MROH1: variants seen among roughly 807,000 people sequenced by gnomAD.
MROH1 encodes the protein maestro heat like repeat family member 1.
Under a neutral mutation model 116.5 loss-of-function variants are expected in MROH1, and 117 were observed. That is an observed-to-expected ratio of 1.00 (90% CI 0.86 to 1.17). MROH1 has a LOEUF of 1.17. MROH1 is among the 50% of genes most tolerant of loss of function. The probability of loss-of-function intolerance (pLI) is 0.00; values close to 1 mark genes in which losing one functional copy is unlikely to be tolerated. For missense variants in MROH1, 1,873 were observed against 1,338.5 expected (o/e 1.40, Z -6.23); for synonymous variants, 921 against 583.9 (o/e 1.58, Z -8.32).
At chr8:144,234,894 T>TTC (rs1554824123) in intron 14 of MROH1, among the ~76,000 whole-genome samples, 1 of 145,182 alleles carries the variant, frequency 6.9e-6, no homozygotes, top group Non-Finnish European at 1.5e-5. Context: ...TTTCTTTCTT[T>TTC]TTTTTTTTTT....
At chr8:144,181,278 A>G (rs11136257) in intron 7 of MROH1, among the ~76,000 whole-genome samples, 5 of 95,740 alleles carry the variant, frequency 5.2e-5, no homozygotes, top group South Asian at 4.0e-4. Flanking sequence ...GGGAGGACCC[A>G]GTGATGGGGG....
intron 1 of MROH1, among the ~76,000 whole-genome samples, chr8:144,150,768 A>G (rs889528041): frequency 6.6e-5 from 10 of 152,160 alleles, no homozygotes; most frequent in Non-Finnish European, 5.9e-5. Context: ...GAGGGCTGGG[A>G]AGAGAAGAGT....
chr8:144,157,328 C>T (rs1818403685), intron 1 of MROH1, among the ~76,000 whole-genome samples: 4 of 151,974 alleles, frequency 2.6e-5, no homozygotes, highest in African/African-American at 9.7e-5. Flanking sequence ...GTTATCCACC[C>T]GCCTTGGCCT....
At chr8:144,212,228 G>T (rs771570764) in intron 12 of MROH1, among the ~76,000 whole-genome samples, 105 of 151,958 alleles carry the variant, frequency 6.9e-4, no homozygotes, top group African/African-American at 9.4e-4. Flanking sequence ...GGACTTGCAG[G>T]TGCACACCAC....
At chr8:144,229,088 A>C (rs1487686802) in intron 14 of MROH1, among the ~76,000 whole-genome samples, 1 of 152,220 alleles carries the variant, frequency 6.6e-6, no homozygotes, top group Non-Finnish European at 1.5e-5. Context: ...GCAGCAATTC[A>C]GTTCCATCTT....
At chr8:144,148,696 G>A (rs1816003446) in intron 1 of MROH1, 1 of 152,774 alleles carries the variant, frequency 6.5e-6, no homozygotes, top group Non-Finnish European at 1.5e-5. Context: ...CCGGGAGCCA[G>A]CCCTCACTCA....
At chr8:144,239,294 CACTG>C (rs1840580906) in intron 16 of MROH1, 25 bp from the exon 17 acceptor site, 2 of 780,222 alleles carry the variant, frequency 2.6e-6, no homozygotes, top group Non-Finnish European at 4.8e-6. Context: ...GGCAGCCCCC[CACTG>C]ACTATTTCCA....
chr8:144,168,636 C>T (rs1245241449), intron 4 of MROH1, among the ~76,000 whole-genome samples, 196 bp downstream of exon 4: 1 of 152,158 alleles, frequency 6.6e-6, no homozygotes, highest in African/African-American at 2.4e-5. Flanking sequence ...GGGGTATGGC[C>T]ACATCCCCCC....
intron 3 of MROH1, among the ~76,000 whole-genome samples, chr8:144,165,746 A>G (rs1390942533): frequency 9.2e-6 from 1 of 108,296 alleles, no homozygotes; most frequent in Non-Finnish European, 2.0e-5. Flanking sequence ...TAATTTTTGT[A>G]TTTTTTTTTT....
chr8:144,227,796 A>T (rs980389758), intron 14 of MROH1, among the ~76,000 whole-genome samples: 15 of 151,890 alleles, frequency 9.9e-5, no homozygotes, highest in Admixed American at 6.6e-5. Context: ...CAAATAATAA[A>T]AAAAAAATTA....
chr8:144,181,433 C>T (rs920534352), intron 7 of MROH1, among the ~76,000 whole-genome samples: 1 of 151,856 alleles, frequency 6.6e-6, no homozygotes, highest in Non-Finnish European at 1.5e-5. Flanking sequence ...AGCATTTGGA[C>T]CCACCTGCTC....
At chr8:144,246,877 G>A (rs1842006756) in intron 29 of MROH1, among the ~76,000 whole-genome samples, 1 of 152,240 alleles carries the variant, frequency 6.6e-6, no homozygotes, top group Admixed American at 6.5e-5. Flanking sequence ...CTGGAAGGCA[G>A]GACCAGGACA....
At chr8:144,223,323 G>T in intron 14 of MROH1, 93 bp downstream of exon 14, 1 of 1,471,392 alleles carries the variant, frequency 6.8e-7, no homozygotes, top group South Asian at 1.3e-5. Context: ...CCAGCAGAGG[G>T]TGGATATGTG....
At chr8:144,191,571 GTGCTAGGC>G in intron 8 of MROH1, 136 bp from the exon 9 acceptor site, 1 of 1,120,354 alleles carries the variant, frequency 8.9e-7, no homozygotes, top group Non-Finnish European at 1.3e-6. Context: ...TGACCTCTGG[GTGCTAGGC>G]TCACGTCCCA....
chr8:144,180,628 G>A lies in MROH1; in HGVS notation c.562+105G>A, dbSNP rs1273952006. 9 of 1,119,888 alleles carry A rather than the reference G, an allele frequency of 8.0e-6. No homozygotes were observed. The African/African-American group carries it at 1.2e-4, about 15-fold the overall frequency. The allele number at this position is 1,119,888 out of a possible 1,614,324, so 69.4% of individuals were successfully genotyped here. On this transcript the variant is annotated intron_variant, in intron 7 of 43. Coordinates refer to ENST00000326134, the MANE Select transcript of MROH1 (RefSeq NM_032450.3). This position sits in a 1 kb window ranked among gnomAD's most constrained non-coding sequence, Gnocchi z 7.4. ...GACAGGTGGGCACTTTAGGCTGCAG[G>A]AAGGGGGGCTGTTGGAGGGAGGGGC... is the stretch of plus-strand genomic sequence containing the variant.
rs764841771 is a variant in MROH1, at chr8:144,179,515, G to A, written c.229G>A (p.Ala77Thr). 9.9e-6 allele frequency: 16 copies of A among 1,613,558 alleles called. No individual in the cohort carries two copies. The highest frequency in any genetic ancestry group is 1.7e-4 in the Middle Eastern group (1 of 6,058). The change falls in exon 5 of 44, where the codon GCC becomes ACC. Residue 77 changes from alanine to threonine, a missense_variant. Ala to Thr is a moderately conservative substitution (Grantham distance 58). Transcript: ENST00000326134. ...CATGGAGAGGGTCCTGAGCAGTCGC[G>A]CCAGTGAGCTGGACAAGGACACAGC... ...RAMERVLSSR[A>T]SELDKDTAST...
chr8:144,192,715 G>A (rs1828951737), intron 10 of MROH1: 3 of 520,624 alleles, frequency 5.8e-6, no homozygotes, highest in East Asian at 7.6e-5. Context: ...GCCAGCTGGG[G>A]GAGACTGCCC....
chr8:144,149,888 G>A (rs976353170), intron 1 of MROH1, among the ~76,000 whole-genome samples: 4 of 151,830 alleles, frequency 2.6e-5, no homozygotes, highest in African/African-American at 9.7e-5. Flanking sequence ...GCAGTGGGCT[G>A]TGGGATTGCA....
Position 144,196,239 on chromosome 8 carries a change from G to A in MROH1, c.949-2883G>A, listed in dbSNP as rs545239242. ...CGGGAGGCGGAGGTTGCATTGAGCC[G>A]AGATTGCGCCACCTCATTCCAGCCC... On this transcript the variant is annotated intron_variant, in intron 10 of 43. Transcript: ENST00000326134. 1.6e-3 allele frequency among the ~76,000 whole-genome samples: 239 copies of A among 149,168 alleles called. 1 individual carries two copies. Among genetic ancestry groups the A allele is most frequent in the African/African-American group, 5.7e-3 (232 of 40,674 alleles).
Sources: allele counts gnomAD v4.1 joint callset (sites outside exome capture counted in the v4.1 genomes callset), GRCh38; gene constraint gnomAD v4.1.1; non-coding constraint Gnocchi (gnomAD v3.1); transcripts MANE v1.5; gene names NCBI Gene and HGNC (gene_info 2026-07-23, HGNC 2026-07-21).